The following DPH6 variants were observed in gnomAD, a reference collection of about 807,000 sequenced individuals.
The protein encoded by DPH6 is diphthine--ammonia ligase.
Under a neutral mutation model 38.2 loss-of-function variants are expected in DPH6, and 33 were observed. That is an observed-to-expected ratio of 0.86 (90% CI 0.65 to 1.15). The LOEUF is 1.15. DPH6 is among the 50% of genes most tolerant of loss of function. DPH6 has a pLI of 0.00. For missense variants in DPH6, 325 were observed against 320.0 expected (o/e 1.02, Z -0.12); for synonymous variants, 108 against 103.0 (o/e 1.05, Z -0.30).
rs1036251110 is a variant in DPH6, at chr15:35,523,135, A to C, written c.312+15139T>G. ...GTCCAGAAATATTGAACCAATTTACAGGGCTGCTAGCAGTACATAAGGGTA... is the reference window on the plus strand; with the variant it reads ...GTCCAGAAATATTGAACCAATTTACCGGGCTGCTAGCAGTACATAAGGGTA... On this transcript the variant is annotated intron_variant, in intron 3 of 8. Coordinates refer to ENST00000256538, the MANE Select transcript of DPH6 (RefSeq NM_080650.4). 5.9e-5 allele frequency among the ~76,000 whole-genome samples: 9 copies of C among 152,122 alleles called. No homozygotes were observed. The East Asian group carries it at 1.7e-3, about 29-fold the overall frequency.
At chr15:35,490,768 A>T (rs964911581) in intron 3 of DPH6, among the ~76,000 whole-genome samples, 1 of 152,152 alleles carries the variant, frequency 6.6e-6, no homozygotes, top group Admixed American at 6.6e-5. Context: ...ACATTGTGCC[A>T]TCTCAGCTTG....
intron 1 of DPH6, among the ~76,000 whole-genome samples, chr15:35,544,492 AAAGTAT>A (rs1315313746): frequency 1.3e-5 from 2 of 152,122 alleles, no homozygotes. Context: ...CCCAGAACTT[AAAGTAT>A]AATAAAAAAA....
chr15:35,491,124 T>C (rs1372523150), intron 3 of DPH6, among the ~76,000 whole-genome samples: 1 of 152,078 alleles, frequency 6.6e-6, no homozygotes, highest in Non-Finnish European at 1.5e-5. Flanking sequence ...AACTTCAACA[T>C]GAGTTTTGGA....
chr15:35,483,183 G>A (rs115162410), intron 3 of DPH6, among the ~76,000 whole-genome samples: 3,679 of 151,996 alleles, frequency 0.024, 143 homozygotes, highest in African/African-American at 0.079. Flanking sequence ...ACCACAATGA[G>A]GCTTGGGTGC....
At chr15:35,504,039 A>G (rs2054661994) in intron 3 of DPH6, among the ~76,000 whole-genome samples, 1 of 152,066 alleles carries the variant, frequency 6.6e-6, no homozygotes, top group African/African-American at 2.4e-5. Context: ...ACTATCTTCT[A>G]TTCTGAGATA....
rs543581847 is a variant in DPH6, at chr15:35,388,245, A to G, written c.568-6329T>C. Among the ~76,000 whole-genome samples the G allele has an allele frequency of 2.0e-5, 3 of 152,328 alleles. No homozygotes were observed. The East Asian group carries it at 5.8e-4, about 29-fold the overall frequency. On this transcript the variant is annotated intron_variant, in intron 6 of 8. Transcript: ENST00000256538. ...GATGTGCTGCTGGATTCGGTTTGCC[A>G]GTATTTTATTGAGGATTTTTGCATC...
chr15:35,432,101 G>A (rs746467265), intron 5 of DPH6, among the ~76,000 whole-genome samples: 2 of 152,168 alleles, frequency 1.3e-5, no homozygotes, highest in Admixed American at 1.3e-4. Context: ...TGCAGCCATG[G>A]TAGAGAACCA....
chr15:35,254,466 T>C (rs1489216677), intron 3 of DPH6, among the ~76,000 whole-genome samples: 1 of 152,220 alleles, frequency 6.6e-6, no homozygotes, highest in Non-Finnish European at 1.5e-5. Flanking sequence ...TACTCTAAAA[T>C]ATCTGAAATT....
chr15:35,385,433 A>C (rs907651362), intron 6 of DPH6, among the ~76,000 whole-genome samples: 1 of 152,232 alleles, frequency 6.6e-6, no homozygotes, highest in Non-Finnish European at 1.5e-5. Context: ...AGTACTATGT[A>C]GCCATAAAAA....
chr15:35,373,479 C>A, intron 8 of DPH6, 42 bp downstream of exon 8: 1 of 1,552,638 alleles, frequency 6.4e-7, no homozygotes, highest in Non-Finnish European at 8.7e-7. Context: ...GTATATATCT[C>A]AAATTTCTAT....
At chr15:35,199,818 G>A in the DPH6 span, among the ~76,000 whole-genome samples, 1 of 151,748 alleles carries the variant, frequency 6.6e-6, no homozygotes, top group Admixed American at 6.6e-5. Flanking sequence ...GGAAATAGGA[G>A]AGTGCATATG....
intron 3 of DPH6, among the ~76,000 whole-genome samples, chr15:35,349,151 CT>C: frequency 6.6e-6 from 1 of 152,064 alleles, no homozygotes; most frequent in African/African-American, 2.4e-5. Context: ...TCTTTTATTT[CT>C]TTTTCTTGCC....
chr15:35,352,704 A>G (rs2052525841), intron 3 of DPH6, among the ~76,000 whole-genome samples: 1 of 152,160 alleles, frequency 6.6e-6, no homozygotes, highest in Admixed American at 6.5e-5. Flanking sequence ...GCTTGGTTCC[A>G]AGTCTTTGCT....
At chr15:35,333,682 T>C (rs1426225275) in intron 3 of DPH6, among the ~76,000 whole-genome samples, 2 of 152,148 alleles carry the variant, frequency 1.3e-5, no homozygotes, top group Non-Finnish European at 2.9e-5. Context: ...GGTGGGAGTG[T>C]AAATTAGGTC....
At chr15:35,533,350 A>G (rs1042245825) in intron 3 of DPH6, among the ~76,000 whole-genome samples, 2 of 152,140 alleles carry the variant, frequency 1.3e-5, no homozygotes, top group Non-Finnish European at 2.9e-5. Context: ...TCTTCTCCCA[A>G]CCACAACTGA....
downstream of DPH6, among the ~76,000 whole-genome samples, chr15:35,368,272 G>C (rs1434834106): frequency 2.0e-5 from 3 of 151,844 alleles, no homozygotes; most frequent in Admixed American, 6.6e-5. Flanking sequence ...AGGCAACGAA[G>C]GAGAGAAGCA....
chr15:35,306,934 G>A (rs1448865444), intron 3 of DPH6, among the ~76,000 whole-genome samples: 1 of 152,154 alleles, frequency 6.6e-6, no homozygotes, highest in African/African-American at 2.4e-5. Context: ...TAAGAACAAA[G>A]GCAGTTTCAG....
At chr15:35,279,070 T>A (rs79226961) in intron 3 of DPH6, among the ~76,000 whole-genome samples, 11,158 of 78,532 alleles carry the variant, frequency 0.14, 587 homozygotes, top group African/African-American at 0.16. Flanking sequence ...AAAAAAAAAA[T>A]ATATATATAT....
At chr15:35,315,867 G>C (rs1267557544) in intron 3 of DPH6, among the ~76,000 whole-genome samples, 1 of 152,118 alleles carries the variant, frequency 6.6e-6, no homozygotes, top group Non-Finnish European at 1.5e-5. Flanking sequence ...TGCAAAAAAG[G>C]CCCAAATCCT....
Sources: allele counts gnomAD v4.1 joint callset (sites outside exome capture counted in the v4.1 genomes callset), GRCh38; gene constraint gnomAD v4.1.1; transcripts MANE v1.5; gene names NCBI Gene and HGNC (gene_info 2026-07-23, HGNC 2026-07-21).